Variants in CCDC174 observed in about 807,000 individuals in gnomAD.
The protein encoded by CCDC174 is coiled-coil domain-containing protein 174.
In CCDC174, 37 loss-of-function variants were observed where a neutral mutation model predicts 57.1. That is an observed-to-expected ratio of 0.65 (90% CI 0.50 to 0.85). CCDC174 has a LOEUF of 0.85. Ranked by LOEUF, CCDC174 falls within the 40% of genes least tolerant of loss-of-function variation. CCDC174 has a pLI of 0.00. For missense variants in CCDC174, 540 were observed against 574.3 expected, an observed-to-expected ratio of 0.94 and a Z score of 0.61; for synonymous variants, 182 against 190.2, an observed-to-expected ratio of 0.96 and a Z score of 0.35.
chr3:14,655,438 G>A (rs750231022), intron 2 of CCDC174, 91 bp from the exon 3 acceptor site: 20 of 744,514 alleles, frequency 2.7e-5, no homozygotes, highest in Middle Eastern at 2.8e-4. Context: ...AAGAACTCAT[G>A]ATCTCCTTTG....
At chr3:14,656,044 T>G (rs2030947056) in intron 3 of CCDC174, among the ~76,000 whole-genome samples, 1 of 152,202 alleles carries the variant, frequency 6.6e-6, no homozygotes, top group Non-Finnish European at 1.5e-5. Flanking sequence ...TTGTCACATG[T>G]GCTTTCCCTC....
chr3:14,659,425 G>A (rs567087851), intron 4 of CCDC174, among the ~76,000 whole-genome samples: 6 of 152,124 alleles, frequency 3.9e-5, no homozygotes, highest in South Asian at 2.1e-4. Flanking sequence ...AGTGGCTTAC[G>A]CTTGTAATTC....
In CCDC174 at chr3:14,661,630, G is replaced by A. The variant is rs182905811; in HGVS notation, c.408G>A (p.Lys136=). ...EASGAHRDSQ[K]AGERDDDEEN... Reference sequence around the variant, plus strand: ...CTGGTGCCCATAGAGATTCTCAAAAGGCAGGAGAAAGGGACGACGATGAGG... The same window carrying A: ...CTGGTGCCCATAGAGATTCTCAAAAAGCAGGAGAAAGGGACGACGATGAGG... Residue 136 remains lysine, a synonymous_variant, in exon 5 of 11, where the codon AAG becomes AAA. Coordinates refer to ENST00000383794, the MANE Select transcript of CCDC174 (RefSeq NM_016474.5). The A allele has an allele frequency of 3.1e-6, 5 of 1,614,206 alleles. No individual in the cohort carries two copies. In the African/African-American group the frequency reaches 6.7e-5, roughly 22 times the overall value.
chr3:14,669,911 T>G (rs533273248), intron 9 of CCDC174, 23 bp from the exon 10 acceptor site: 2 of 1,612,042 alleles, frequency 1.2e-6, no homozygotes, highest in South Asian at 2.2e-5. Context: ...TATAACAGTG[T>G]CTTATTCTTT....
intron 3 of CCDC174, among the ~76,000 whole-genome samples, chr3:14,656,581 G>T (rs1265037625): frequency 1.3e-5 from 2 of 152,134 alleles, no homozygotes; most frequent in Non-Finnish European, 2.9e-5. Context: ...CTTGGTTAAG[G>T]TATATATGCT....
At position 14,671,354 on chromosome 3, in the gene CCDC174, A is replaced by G. The variant is rs1346325685; in HGVS notation, c.*160A>G. 1.5e-6 allele frequency: 1 copy of G among 685,746 alleles called. No homozygotes were observed. The highest frequency in any genetic ancestry group is 2.4e-6 in the Non-Finnish European group (1 of 418,124). The allele number at this position is 685,746 out of a possible 1,614,324, so 42.5% of individuals were successfully genotyped here. ...GTCAGCAAGGAGGAAAGTTATGGAA[A>G]CTTTGGCCACTTGGCTGTTCATTTT... is the stretch of plus-strand genomic sequence containing the variant. On this transcript the variant is annotated 3_prime_UTR_variant, in exon 11 of 11. Transcript: ENST00000383794.
chr3:14,654,201 CAG>C (rs1419637009), intron 1 of CCDC174, among the ~76,000 whole-genome samples: 2 of 152,176 alleles, frequency 1.3e-5, no homozygotes, highest in South Asian at 2.1e-4. Flanking sequence ...TGTTGAAAGT[CAG>C]AGTAAAAATG....
chr3:14,671,224 A>G lies in CCDC174; in HGVS notation c.*30A>G, dbSNP rs1200273564. 1 of 1,574,100 alleles carries G rather than the reference A, an allele frequency of 6.4e-7. No homozygotes were observed. Among genetic ancestry groups the G allele is most frequent in the East Asian group, 2.3e-5 (1 of 44,436 alleles). ...TCAAAGCACGCTGACTTGGGTTTGT[A>G]CTTTGACAGTGCCTTTCTCTCCCAG... On this transcript the variant is annotated 3_prime_UTR_variant, in exon 11 of 11. Coordinates refer to ENST00000383794, the MANE Select transcript of CCDC174 (RefSeq NM_016474.5).
chr3:14,657,156 T>C (rs1356092301), intron 3 of CCDC174, among the ~76,000 whole-genome samples: 1 of 152,216 alleles, frequency 6.6e-6, no homozygotes, highest in Non-Finnish European at 1.5e-5. Context: ...TCTTGGCACT[T>C]TGCTGTGCTT....
At chr3:14,667,343 T>A (rs1472643605) in intron 7 of CCDC174, 81 bp from the exon 8 acceptor site, 7 of 1,045,578 alleles carry the variant, frequency 6.7e-6, no homozygotes, top group Non-Finnish European at 8.8e-6. Flanking sequence ...TGTTTCTTTT[T>A]GCTTTGGTAG....
At chr3:14,655,314 GAA>G (rs113359021) in intron 2 of CCDC174, among the ~76,000 whole-genome samples, 2 of 142,134 alleles carry the variant, frequency 1.4e-5, no homozygotes, top group South Asian at 2.2e-4. Flanking sequence ...CTGTCTCAAA[GAA>G]AAAAAAAAAA....
chr3:14,665,890 TAGCC>T (rs1331881155), intron 6 of CCDC174, among the ~76,000 whole-genome samples: 8 of 148,532 alleles, frequency 5.4e-5, no homozygotes, highest in African/African-American at 9.9e-5. Context: ...AAAAAAAAAT[TAGCC>T]AGGTGTGGTT....
chr3:14,664,028 G>A (rs1299202226), intron 5 of CCDC174, among the ~76,000 whole-genome samples: 6 of 151,544 alleles, frequency 4.0e-5, no homozygotes, highest in Non-Finnish European at 7.4e-5. Flanking sequence ...TGGCTAGATG[G>A]TTTTCTTCCC....
chr3:14,654,402 G>A, intron 1 of CCDC174, 24 bp from the exon 2 acceptor site: 1 of 1,245,316 alleles, frequency 8.0e-7, no homozygotes, highest in Non-Finnish European at 1.2e-6. Flanking sequence ...TAATATTTTT[G>A]TTTACTTACT....
At position 14,672,116 on chromosome 3, in the gene CCDC174, C is replaced by CA. The variant is rs1198962374; in HGVS notation, c.*923dup. 6.6e-6 allele frequency: 1 copy of CA among 152,498 alleles called. No homozygotes were observed. The highest frequency in any genetic ancestry group is 1.5e-5 in the Non-Finnish European group (1 of 68,256). The allele number at this position is 152,498 out of a possible 1,614,324, so 9.4% of individuals were successfully genotyped here. A position where few individuals can be genotyped will look rare whatever the true frequency, so the allele number is the denominator to read the frequency against. On this transcript the variant is annotated 3_prime_UTR_variant, in exon 11 of 11. Transcript: ENST00000383794. Reference sequence around the variant, plus strand: ...ACCCCATCCTCTACCTGCCACACCTCAGAGGGTTCCTACAGCTGCACACAA... The same window carrying CA: ...ACCCCATCCTCTACCTGCCACACCTCAAGAGGGTTCCTACAGCTGCACACAA...
chr3:14,669,900 T>C, intron 9 of CCDC174, 34 bp from the exon 10 acceptor site: 1 of 1,607,306 alleles, frequency 6.2e-7, no homozygotes, highest in Non-Finnish European at 8.5e-7. Context: ...TTAGGCTTTT[T>C]TATAACAGTG....
rs568842109 is a variant in CCDC174 at position 14,655,492 on chromosome 3, A to G, written c.148-37A>G. On this transcript the variant is annotated intron_variant, in intron 2 of 10. Transcript: ENST00000383794. The stretch of plus-strand genomic sequence containing the variant: ...CACAAGTAGAGATTTTTTGGCAATC[A>G]TGTGGTTCTGTTTTGTCTTCTAAAA... The G allele has an allele frequency of 2.2e-5, 30 of 1,384,068 alleles. 2 individuals carry two copies. The South Asian group carries it at 3.8e-4, about 17-fold the overall frequency. 85.7% of individuals were successfully genotyped at this position (1,384,068 alleles called of 1,614,324 possible). A position where few individuals can be genotyped will look rare whatever the true frequency, so the allele number is the denominator to read the frequency against.
chr3:14,655,720 A>G lies in CCDC174; in HGVS notation c.248+91A>G, dbSNP rs987358659. On this transcript the variant is annotated intron_variant, in intron 3 of 10. Coordinates refer to ENST00000383794, the MANE Select transcript of CCDC174 (RefSeq NM_016474.5). ...CAAATTTTGTCCTTTTTGATTTACA[A>G]ATTTTATTTTTAACATCCTTCTAGC... The G allele has an allele frequency of 8.0e-6, 6 of 750,438 alleles. No individual in the cohort carries two copies. The African/African-American group carries it at 9.1e-5, about 11-fold the overall frequency. The allele number at this position is 750,438 out of a possible 1,614,324, so 46.5% of individuals were successfully genotyped here.
Position 14,668,029 on chromosome 3 carries a change from T to C in CCDC174, c.820-20T>C. The C allele has an allele frequency of 6.4e-7, 1 of 1,550,802 alleles. No individual in the cohort carries two copies. Among genetic ancestry groups the C allele is most frequent in the Non-Finnish European group, 8.7e-7 (1 of 1,153,050 alleles). On this transcript the variant is annotated intron_variant, in intron 8 of 10. Coordinates refer to ENST00000383794, the MANE Select transcript of CCDC174 (RefSeq NM_016474.5). The stretch of plus-strand genomic sequence containing the variant: ...TGCAAATTTGGCTTCAAGCAAATAA[T>C]TTTCTGATTTTCTGTTCAGACAACA...
Sources: allele counts gnomAD v4.1 joint callset (sites outside exome capture counted in the v4.1 genomes callset), GRCh38; gene constraint gnomAD v4.1.1; transcripts MANE v1.5; gene names NCBI Gene and HGNC (gene_info 2026-07-23, HGNC 2026-07-21).